Variants in UQCC2 observed in about 807,000 individuals in gnomAD.
The protein encoded by UQCC2 is breast cancer-associated protein SGA-81M.
A neutral mutation model predicts 19.9 loss-of-function variants in UQCC2; 21 were observed. The ratio of observed to expected loss-of-function variants is 1.05; its 90% confidence interval spans 0.75 to 1.52. UQCC2 has a LOEUF of 1.52. Among genes scored for constraint, UQCC2 ranks in the 40% most tolerant of loss-of-function variants. The pLI, the probability that UQCC2 is intolerant of heterozygous loss-of-function variation, is 0.00. For synonymous variants in UQCC2, 57 were observed against 60.9 expected, an observed-to-expected ratio of 0.94 and a Z score of 0.30; for missense variants, 135 against 157.5, an observed-to-expected ratio of 0.86 and a Z score of 0.76.
intron 3 of UQCC2, among the ~76,000 whole-genome samples, chr6:33,699,613 G>A (rs1180924253): frequency 6.6e-6 from 1 of 152,172 alleles, no homozygotes; most frequent in African/African-American, 2.4e-5. Flanking sequence ...AGAGAGTACT[G>A]GAATAAAAAT....
chr6:33,711,501 T>C, intron 1 of UQCC2, 48 bp downstream of exon 1: 1 of 1,553,834 alleles, frequency 6.4e-7, no homozygotes, highest in East Asian at 2.3e-5. Context: ...GCCCCGCCCC[T>C]GCCTCGTCCT....
intron 1 of UQCC2, among the ~76,000 whole-genome samples, chr6:33,702,100 G>A (rs1765647689): frequency 6.6e-6 from 1 of 152,074 alleles, no homozygotes; most frequent in African/African-American, 2.4e-5. Context: ...TCCGCCTCCT[G>A]GGTTCAAGCA....
intron 1 of UQCC2, among the ~76,000 whole-genome samples, chr6:33,709,575 T>C (rs1451391952): frequency 6.6e-6 from 1 of 152,182 alleles, no homozygotes; most frequent in African/African-American, 2.4e-5. Context: ...GATAAGATTC[T>C]TGCCTTAAAG....
At chr6:33,700,880 T>C (rs1221825991) in intron 2 of UQCC2, among the ~76,000 whole-genome samples, 1 of 152,166 alleles carries the variant, frequency 6.6e-6, no homozygotes, top group East Asian at 1.9e-4. Flanking sequence ...CAAATGTTTG[T>C]GGAGTTAATG....
chr6:33,700,178 T>G (rs1013901790), intron 3 of UQCC2, among the ~76,000 whole-genome samples: 10 of 152,186 alleles, frequency 6.6e-5, no homozygotes, highest in African/African-American at 2.4e-4. Flanking sequence ...CTACTTCCAT[T>G]TGGCAAATAG....
At chr6:33,705,781 C>T (rs144031010) in intron 1 of UQCC2, among the ~76,000 whole-genome samples, 4 of 152,248 alleles carry the variant, frequency 2.6e-5, no homozygotes, top group South Asian at 2.1e-4. Context: ...ATGAAATGGA[C>T]GGTGCATTTT....
At chr6:33,705,273 C>T (rs200382501) in intron 1 of UQCC2, among the ~76,000 whole-genome samples, 114 of 152,194 alleles carry the variant, frequency 7.5e-4, no homozygotes, top group Middle Eastern at 6.8e-3. Flanking sequence ...CCTTGTGATC[C>T]GCCCACCTCG....
intron 1 of UQCC2, among the ~76,000 whole-genome samples, chr6:33,710,173 G>A (rs1229417938): frequency 6.6e-6 from 1 of 152,056 alleles, no homozygotes; most frequent in East Asian, 1.9e-4. Flanking sequence ...TCCATCTTCT[G>A]TGCTGCCGTC....
chr6:33,707,886 A>G (rs1765718598), intron 1 of UQCC2, among the ~76,000 whole-genome samples: 1 of 152,210 alleles, frequency 6.6e-6, no homozygotes, highest in African/African-American at 2.4e-5. Flanking sequence ...TTTTAAAACT[A>G]CACAATAGGA....
At chr6:33,708,396 G>C (rs1485479192) in intron 1 of UQCC2, among the ~76,000 whole-genome samples, 1 of 127,470 alleles carries the variant, frequency 7.8e-6, no homozygotes, top group African/African-American at 2.5e-5. Flanking sequence ...CCAGTGCGTT[G>C]TCTTGTTTTT....
chr6:33,703,252 C>T (rs1441267490), intron 1 of UQCC2, among the ~76,000 whole-genome samples: 1 of 152,166 alleles, frequency 6.6e-6, no homozygotes, highest in East Asian at 1.9e-4. Flanking sequence ...GCAAACTCCC[C>T]TCCTGGGTTC....
chr6:33,697,513 G>C lies in UQCC2; in HGVS notation c.*140C>G. The stretch of plus-strand genomic sequence containing the variant: ...CCTTCTCAGGCTGAAACTTTCTTTA[G>C]AGCAGCAAGGGCTTCCTTTCTGGGA... On this transcript the variant is annotated 3_prime_UTR_variant, in exon 4 of 4. Coordinates refer to ENST00000607484, the MANE Select transcript of UQCC2 (RefSeq NM_032340.4). 1.6e-6 allele frequency: 1 copy of C among 630,642 alleles called. No individual in the cohort carries two copies. Among genetic ancestry groups the C allele is most frequent in the Non-Finnish European group, 2.7e-6 (1 of 370,464 alleles). The allele number at this position is 630,642 out of a possible 1,614,324, so 39.1% of individuals were successfully genotyped here.
intron 1 of UQCC2, among the ~76,000 whole-genome samples, chr6:33,707,982 C>T (rs1765719798): frequency 6.6e-6 from 1 of 152,216 alleles, no homozygotes; most frequent in Non-Finnish European, 1.5e-5. Flanking sequence ...ACAAGACTCC[C>T]CAGAGGGCAA....
chr6:33,705,306 C>T (rs1341313559), intron 1 of UQCC2, among the ~76,000 whole-genome samples: 3 of 152,050 alleles, frequency 2.0e-5, no homozygotes, highest in Non-Finnish European at 2.9e-5. Context: ...GCTGGGATTA[C>T]AGGCTTGAGC....
chr6:33,699,061 G>A (rs1243964100), intron 3 of UQCC2, among the ~76,000 whole-genome samples: 1 of 152,084 alleles, frequency 6.6e-6, no homozygotes, highest in African/African-American at 2.4e-5. Context: ...TGGACACTGA[G>A]GCCTCCCTTA....
Position 33,711,536 on chromosome 6 carries a change from C to G in UQCC2, c.138+13G>C, listed in dbSNP as rs760871121. The stretch of plus-strand genomic sequence containing the variant: ...TTTCCTCCCCTCGTCCCAGCCGCCT[C>G]CCCGCCGGTCACCTGGGTATTCTCT... On this transcript the variant is annotated intron_variant, in intron 1 of 3. Coordinates refer to ENST00000607484, the MANE Select transcript of UQCC2 (RefSeq NM_032340.4). 2 of 1,591,140 alleles carry G rather than the reference C, an allele frequency of 1.3e-6. No homozygotes were observed. The highest frequency in any genetic ancestry group is 2.3e-5 in the South Asian group (2 of 88,648).
chr6:33,711,526 C>A (rs768383736), intron 1 of UQCC2, 23 bp downstream of exon 1: 2 of 1,586,844 alleles, frequency 1.3e-6, no homozygotes. Flanking sequence ...TCCCCTCGTC[C>A]CAGCCGCCTC....
intron 1 of UQCC2, among the ~76,000 whole-genome samples, chr6:33,706,024 A>G (rs1473428473): frequency 6.6e-6 from 1 of 152,202 alleles, no homozygotes; most frequent in Non-Finnish European, 1.5e-5. Flanking sequence ...AGTCGTCAGT[A>G]AATTTCTCTT....
chr6:33,706,729 G>A (rs954963807), intron 1 of UQCC2, among the ~76,000 whole-genome samples: 3 of 152,228 alleles, frequency 2.0e-5, no homozygotes, highest in Non-Finnish European at 4.4e-5. Context: ...GGGCTTTTAA[G>A]GGGAACCCAG....
Sources: allele counts gnomAD v4.1 joint callset (sites outside exome capture counted in the v4.1 genomes callset), GRCh38; gene constraint gnomAD v4.1.1; transcripts MANE v1.5; gene names NCBI Gene and HGNC (gene_info 2026-07-23, HGNC 2026-07-21).